The following LTO1 variants were observed in gnomAD, a reference collection of about 807,000 sequenced individuals.
LTO1 encodes protein LTO1 homolog.
In LTO1, 18 loss-of-function variants were observed where a neutral mutation model predicts 19.8. The ratio of observed to expected loss-of-function variants is 0.91; its 90% confidence interval spans 0.63 to 1.35. The LOEUF is 1.35. Ranked by LOEUF, LTO1 falls within the 40% of genes most tolerant of loss-of-function variation. LTO1 has a pLI of 0.00. For missense variants in LTO1, 175 were observed against 167.9 expected (o/e 1.04, Z -0.23); for synonymous variants, 59 against 59.6 (o/e 0.99, Z 0.05).
rs1311424426 is a variant in LTO1, at chr11:69,667,478, C to CAT, written c.*39_*40dup. ...CGCATTTCTAAACACGTCACACACA[C>CAT]ATCTGTTCCTCGACGTTCGGTCTCT... On this transcript the variant is annotated 3_prime_UTR_variant, in exon 5 of 5. Transcript: ENST00000279147. 3.1e-6 allele frequency: 4 copies of CAT among 1,291,874 alleles called. No individual in the cohort carries two copies. Among genetic ancestry groups the CAT allele is most frequent in the African/African-American group, 2.9e-5 (2 of 68,678 alleles). The allele number at this position is 1,291,874 out of a possible 1,614,324, so 80.0% of individuals were successfully genotyped here. A position where few individuals can be genotyped will look rare whatever the true frequency, so the allele number is the denominator to read the frequency against.
At chr11:69,671,654 A>C in intron 3 of LTO1, 95 bp downstream of exon 3, 2 of 762,058 alleles carry the variant, frequency 2.6e-6, no homozygotes, top group South Asian at 2.8e-5. Context: ...ACAGATGAGG[A>C]ACAGACAGAT....
At chr11:69,671,643 T>C (rs1232685657) in intron 3 of LTO1, 106 bp downstream of exon 3, 1 of 723,154 alleles carries the variant, frequency 1.4e-6, no homozygotes, top group Non-Finnish European at 2.5e-6. Flanking sequence ...TTCTCCATTT[T>C]ACAGATGAGG....
chr11:69,673,104 G>A, intron 2 of LTO1, 112 bp downstream of exon 2: 1 of 772,900 alleles, frequency 1.3e-6, no homozygotes. Context: ...CGCCCATCCG[G>A]CACTGTGATT....
intron 4 of LTO1, 67 bp from the exon 5 acceptor site, chr11:69,667,654 C>T: frequency 9.1e-7 from 1 of 1,096,810 alleles, no homozygotes; most frequent in Non-Finnish European, 1.4e-6. Context: ...GAAGATAACT[C>T]TATCTCTAGC....
rs1253991379 is a variant in LTO1 at position 69,666,939 on chromosome 11, G to C, written c.*580C>G. 1 of 152,486 alleles carries C rather than the reference G, an allele frequency of 6.6e-6. No individual in the cohort carries two copies. The highest frequency in any genetic ancestry group is 1.9e-4 in the East Asian group (1 of 5,188). 9.4% of individuals were successfully genotyped at this position (152,486 alleles called of 1,614,324 possible). A position where few individuals can be genotyped will look rare whatever the true frequency, so the allele number is the denominator to read the frequency against. The stretch of plus-strand genomic sequence containing the variant: ...GGGCGGAAGTCCTAGCTCTGCTGCT[G>C]GGTGCCCTTAGACCAGGCAATCCCT... On this transcript the variant is annotated 3_prime_UTR_variant, in exon 5 of 5. Coordinates refer to ENST00000279147, the MANE Select transcript of LTO1 (RefSeq NM_153451.3).
At chr11:69,668,749 C>T (rs1476916852) in intron 3 of LTO1, among the ~76,000 whole-genome samples, 1 of 151,532 alleles carries the variant, frequency 6.6e-6, no homozygotes, top group African/African-American at 2.4e-5. Flanking sequence ...TGACATGGGC[C>T]GGGCTCGGTG....
chr11:69,673,843 G>GCACCT lies in LTO1; in HGVS notation c.51-527_51-523dup, dbSNP rs560284600. ...GTTGGGATTACAAGTGAGGGCCACCGCACCTGGCCTGCAATCCACTTTTCT... is the reference window on the plus strand; with the variant it reads ...GTTGGGATTACAAGTGAGGGCCACCGCACCTCACCTGGCCTGCAATCCACTTTTCT... On this transcript the variant is annotated intron_variant, in intron 1 of 4. Transcript: ENST00000279147. Among the ~76,000 whole-genome samples, 93 of 151,930 alleles carry GCACCT rather than the reference G, an allele frequency of 6.1e-4. 1 individual carries two copies. In the South Asian group the frequency reaches 0.019, roughly 31 times the overall value.
intron 3 of LTO1, among the ~76,000 whole-genome samples, chr11:69,669,760 G>A (rs971219203): frequency 6.6e-6 from 1 of 152,212 alleles, no homozygotes; most frequent in African/African-American, 2.4e-5. Flanking sequence ...GCGCTGGTCT[G>A]CAGGAGGGTT....
chr11:69,674,832 T>A (rs1327959824), intron 1 of LTO1: 1 of 529,514 alleles, frequency 1.9e-6, no homozygotes, highest in Non-Finnish European at 3.6e-6. Flanking sequence ...CCGTATGTCC[T>A]ATGATTAAGG....
intron 4 of LTO1, 99 bp from the exon 5 acceptor site, chr11:69,667,686 G>A: frequency 1.1e-6 from 1 of 898,182 alleles, no homozygotes; most frequent in Non-Finnish European, 1.8e-6. Context: ...CTGTCTATGT[G>A]GCCAGCCCAT....
intron 2 of LTO1, chr11:69,672,227 C>A (rs1856119867): frequency 5.5e-6 from 1 of 181,078 alleles, no homozygotes; most frequent in Admixed American, 5.5e-5. Context: ...GACGTCCATG[C>A]CCACAGTCAG....
At position 69,668,010 on chromosome 11, in the gene LTO1, C is replaced by A; in HGVS notation, c.230G>T (p.Arg77Ile). Residue 77 changes from arginine to isoleucine, a missense_variant and splice_region_variant, in exon 4 of 5, where the codon AGA becomes ATA. Coordinates refer to ENST00000279147, the MANE Select transcript of LTO1 (RefSeq NM_153451.3). ...LHSCTTEKDS[R>I]KMKVLESLIG... The stretch of plus-strand genomic sequence containing the variant: ...CAATGATTCTAAGACCTTCATCTTT[C>A]TGCTGTAAAGCACAGAAATACAGAC... 6 of 1,452,112 alleles carry A rather than the reference C, an allele frequency of 4.1e-6. No individual in the cohort carries two copies. Among genetic ancestry groups the A allele is most frequent in the Non-Finnish European group, 4.8e-6 (5 of 1,032,116 alleles). 90.0% of individuals were successfully genotyped at this position (1,452,112 alleles called of 1,614,324 possible).
Position 69,671,792 on chromosome 11 carries a change from C to G in LTO1, c.184G>C (p.Ala62Pro), listed in dbSNP as rs1856113720. ...CAACTGTGCAGTAGACATTTCCATGCAAAAGCAAAACCTTGGTAGCACCCG... is the reference window on the plus strand; with the variant it reads ...CAACTGTGCAGTAGACATTTCCATGGAAAAGCAAAACCTTGGTAGCACCCG... ...EIGCYQGFAF[A>P]WKCLLHSCTT... The change falls in exon 3 of 5, where the codon GCA becomes CCA. Residue 62 changes from alanine to proline, a missense_variant. Physicochemically the swap from Ala to Pro is conservative, Grantham distance 27. Coordinates refer to ENST00000279147, the MANE Select transcript of LTO1 (RefSeq NM_153451.3). 6.2e-7 allele frequency: 1 copy of G among 1,603,998 alleles called. No homozygotes were observed. Among genetic ancestry groups the G allele is most frequent in the African/African-American group, 1.3e-5 (1 of 74,652 alleles).
chr11:69,674,641 C>A, intron 1 of LTO1: 1 of 397,714 alleles, frequency 2.5e-6, no homozygotes, highest in South Asian at 1.8e-5. Flanking sequence ...CGCCTGACTG[C>A]TAAATGTTCG....
In LTO1 at chr11:69,673,338, T is replaced by G; in HGVS notation, c.51-17A>C. On this transcript the variant is annotated splice_polypyrimidine_tract_variant and intron_variant, in intron 1 of 4. Coordinates refer to ENST00000279147, the MANE Select transcript of LTO1 (RefSeq NM_153451.3). The stretch of plus-strand genomic sequence containing the variant: ...CCATGAAACCTGTGAAGAAGAAGCA[T>G]GCTTCATCAAATCAACAGGAGAAAG... 1 of 1,489,986 alleles carries G rather than the reference T, an allele frequency of 6.7e-7. No individual in the cohort carries two copies. The highest frequency in any genetic ancestry group is 9.4e-7 in the Non-Finnish European group (1 of 1,067,068). 92.3% of individuals were successfully genotyped at this position (1,489,986 alleles called of 1,614,324 possible).
chr11:69,667,891 G>T lies in LTO1; in HGVS notation c.345+4C>A. 1 of 1,290,292 alleles carries T rather than the reference G, an allele frequency of 7.8e-7. No homozygotes were observed. Among genetic ancestry groups the T allele is most frequent in the Non-Finnish European group, 1.1e-6 (1 of 883,944 alleles). 79.9% of individuals were successfully genotyped at this position (1,290,292 alleles called of 1,614,324 possible). A position where few individuals can be genotyped will look rare whatever the true frequency, so the allele number is the denominator to read the frequency against. Reference sequence around the variant, plus strand: ...TAGCAGGAGGAAACACACAGTGCACGCACCTGTTTAAATTTTCCTCTGATC... The same window carrying T: ...TAGCAGGAGGAAACACACAGTGCACTCACCTGTTTAAATTTTCCTCTGATC... On this transcript the variant is annotated splice_donor_region_variant and intron_variant, in intron 4 of 4. Coordinates refer to ENST00000279147, the MANE Select transcript of LTO1 (RefSeq NM_153451.3).
At chr11:69,673,394 T>TGTA in intron 1 of LTO1, 73 bp from the exon 2 acceptor site, 2 of 1,028,392 alleles carry the variant, frequency 1.9e-6, no homozygotes, top group Non-Finnish European at 1.5e-6. Context: ...TTCTCTCTCT[T>TGTA]GTATTACCCG....
Position 69,673,337 on chromosome 11 carries a change from A to G in LTO1, c.51-16T>C, listed in dbSNP as rs1332498475. The G allele has an allele frequency of 6.8e-7, 1 of 1,480,574 alleles. No homozygotes were observed. The allele number at this position is 1,480,574 out of a possible 1,614,324, so 91.7% of individuals were successfully genotyped here. ...CCCATGAAACCTGTGAAGAAGAAGC[A>G]TGCTTCATCAAATCAACAGGAGAAA... On this transcript the variant is annotated splice_polypyrimidine_tract_variant and intron_variant, in intron 1 of 4. Transcript: ENST00000279147.
At chr11:69,670,013 AAAAAC>A (rs1230276868) in intron 3 of LTO1, among the ~76,000 whole-genome samples, 1 of 150,018 alleles carries the variant, frequency 6.7e-6, no homozygotes, top group Admixed American at 6.6e-5. Flanking sequence ...AAAAAAAACA[AAAAAC>A]AAAAAAAAAA....
Sources: gnomAD v4.1 joint callset for allele counts (sites outside exome capture counted in the v4.1 genomes callset) on GRCh38, gnomAD v4.1.1 for gene constraint, MANE v1.5 for transcripts, NCBI Gene and HGNC (gene_info 2026-07-23, HGNC 2026-07-21) for gene names.